The following VPS41 variants were observed in gnomAD, a reference collection of about 807,000 sequenced individuals.
The protein encoded by VPS41 is vacuolar protein sorting-associated protein 41 homolog.
VPS41 carries 85 observed loss-of-function variants against 130.9 expected under a neutral mutation model. The observed-to-expected ratio is 0.65, with a 90% confidence interval of 0.55 to 0.78. The LOEUF (loss-of-function observed/expected upper bound fraction) is 0.78. Among genes scored for constraint, VPS41 ranks in the 30% least tolerant of loss-of-function variants. The probability of loss-of-function intolerance (pLI) is 0.00; values close to 1 mark genes in which losing one functional copy is unlikely to be tolerated. For missense variants in VPS41, 874 were observed against 1,018.7 expected, an observed-to-expected ratio of 0.86 and a Z score of 1.93; for synonymous variants, 335 against 332.9, an observed-to-expected ratio of 1.01 and a Z score of -0.07.
intron 3 of VPS41, among the ~76,000 whole-genome samples, chr7:38,864,477 TTG>T (rs1234575142): frequency 6.6e-6 from 1 of 152,228 alleles, no homozygotes. Context: ...ACAAGCTATC[TTG>T]TGTTTAGGAA....
At chr7:38,827,721 G>A (rs1289736579) in intron 5 of VPS41, among the ~76,000 whole-genome samples, 1 of 152,134 alleles carries the variant, frequency 6.6e-6, no homozygotes, top group African/African-American at 2.4e-5. Flanking sequence ...GCCTCTAAGC[G>A]ATATTGCCTT....
intron 2 of VPS41, among the ~76,000 whole-genome samples, chr7:38,896,470 C>T (rs1194941744): frequency 6.6e-6 from 1 of 152,222 alleles, no homozygotes; most frequent in Non-Finnish European, 1.5e-5. Flanking sequence ...GCCCGCAGGC[C>T]ACATATGGCC....
At chr7:38,801,653 C>G (rs141631547) in intron 7 of VPS41, among the ~76,000 whole-genome samples, 1 of 152,280 alleles carries the variant, frequency 6.6e-6, no homozygotes, top group Non-Finnish European at 1.5e-5. Context: ...GGTTTTCTCA[C>G]TGCACAACTA....
intron 14 of VPS41, 26 bp downstream of exon 14, chr7:38,771,172 T>G: frequency 6.6e-7 from 1 of 1,506,798 alleles, no homozygotes; most frequent in Non-Finnish European, 9.2e-7. Flanking sequence ...TAAAATTATG[T>G]TTCAAATAAC....
In VPS41 at chr7:38,789,881, T is replaced by TC. The variant is rs1282958732; in HGVS notation, c.718-15dup. On this transcript the variant is annotated splice_polypyrimidine_tract_variant and intron_variant, in intron 9 of 28. Transcript: ENST00000310301. Reference sequence around the variant, plus strand: ...CACTGAGCACACCTGGAAAATAAGTTCGCAGGTTATTTTATTCATTTGATG... The same window carrying TC: ...CACTGAGCACACCTGGAAAATAAGTTCCGCAGGTTATTTTATTCATTTGATG... The TC allele has an allele frequency of 1.8e-5, 29 of 1,613,262 alleles. No individual in the cohort carries two copies. Among genetic ancestry groups the TC allele is most frequent in the Non-Finnish European group, 2.5e-5 (29 of 1,179,504 alleles).
intron 24 of VPS41, 28 bp from the exon 25 acceptor site, chr7:38,742,149 C>T (rs1795895119): frequency 6.4e-7 from 1 of 1,572,254 alleles, no homozygotes; most frequent in Admixed American, 2.0e-5. Flanking sequence ...AAACAATGAA[C>T]ATATAAGCAA....
chr7:38,862,211 A>C (rs1327253341), intron 4 of VPS41, among the ~76,000 whole-genome samples: 1 of 152,174 alleles, frequency 6.6e-6, no homozygotes, highest in Non-Finnish European at 1.5e-5. Flanking sequence ...AGAATACAGG[A>C]GTATTCTAAA....
At chr7:38,908,131 C>T (rs1390606356) in intron 1 of VPS41, among the ~76,000 whole-genome samples, 1 of 152,090 alleles carries the variant, frequency 6.6e-6, no homozygotes, top group Non-Finnish European at 1.5e-5. Context: ...AATTATTGAA[C>T]TAGGTAAATG....
Position 38,771,225 on chromosome 7 carries a change from T to C in VPS41, c.1158A>G (p.Gln386=), listed in dbSNP as rs557861089. 3.1e-6 allele frequency: 5 copies of C among 1,603,122 alleles called. No homozygotes were observed. Among genetic ancestry groups the C allele is most frequent in the Non-Finnish European group, 4.3e-6 (5 of 1,175,964 alleles). Reference sequence around the variant, plus strand: ...GAATCTTATGTCTTTTAATATTTTTTTGGCTAATTTCAGCTGCCATCAATG... The same window carrying C: ...GAATCTTATGTCTTTTAATATTTTTCTGGCTAATTTCAGCTGCCATCAATG... ...EEALMAAEIS[Q]KNIKRHKILD... Residue 386 remains glutamine (Q), a synonymous_variant, in exon 14 of 29, where the codon CAA becomes CAG. Coordinates refer to ENST00000310301, the MANE Select transcript of VPS41 (RefSeq NM_014396.4).
chr7:38,789,901 T>C (rs774351328), intron 9 of VPS41, 34 bp from the exon 10 acceptor site: 1 of 1,609,494 alleles, frequency 6.2e-7, no homozygotes, highest in Non-Finnish European at 8.5e-7. Flanking sequence ...TTTTATTCAT[T>C]TGATGGAAAA....
chr7:38,909,149 T>C lies in VPS41; in HGVS notation c.21+5A>G. ...GTGCCCTCAACTACCACCTGCACCC[T>C]TTACCTGCTCCTCTGCTTCCGCCAT... is the stretch of plus-strand genomic sequence containing the variant. On this transcript the variant is annotated splice_donor_5th_base_variant and intron_variant, in intron 1 of 28. Coordinates refer to ENST00000310301, the MANE Select transcript of VPS41 (RefSeq NM_014396.4). 6.2e-7 allele frequency: 1 copy of C among 1,613,606 alleles called. No homozygotes were observed. The highest frequency in any genetic ancestry group is 8.5e-7 in the Non-Finnish European group (1 of 1,179,700).
rs576770444 is a variant in VPS41 at position 38,789,012 on chromosome 7, T to A, written c.784+789A>T. ...TGGGCAAATGAACTTTTCAGCTGAC[T>A]CATAATATGGCAATTTTTTTTCTCA... On this transcript the variant is annotated intron_variant, in intron 10 of 28. Coordinates refer to ENST00000310301, the MANE Select transcript of VPS41 (RefSeq NM_014396.4). Among the ~76,000 whole-genome samples the A allele has an allele frequency of 3.0e-4, 45 of 152,336 alleles. 1 individual carries two copies. The South Asian group carries it at 8.9e-3, about 30-fold the overall frequency.
intron 10 of VPS41, among the ~76,000 whole-genome samples, chr7:38,782,998 G>T (rs886348768): frequency 6.6e-6 from 1 of 151,904 alleles, no homozygotes; most frequent in Non-Finnish European, 1.5e-5. Flanking sequence ...CGTGCCTGTA[G>T]CCCCAGCTAC....
intron 7 of VPS41, among the ~76,000 whole-genome samples, chr7:38,803,801 C>G (rs1784782705): frequency 6.6e-6 from 1 of 152,130 alleles, no homozygotes; most frequent in South Asian, 2.1e-4. Context: ...AATGAATGAC[C>G]AGGAACCCAT....
At chr7:38,741,922 A>C in intron 25 of VPS41, 63 bp downstream of exon 25, 1 of 1,575,498 alleles carries the variant, frequency 6.3e-7, no homozygotes, top group Non-Finnish European at 8.6e-7. Context: ...AAACCCTAGA[A>C]ATATTTATCC....
intron 19 of VPS41, among the ~76,000 whole-genome samples, chr7:38,756,171 C>T (rs1783788299): frequency 6.6e-6 from 1 of 150,864 alleles, no homozygotes; most frequent in African/African-American, 2.4e-5. Context: ...GTTTTATAAA[C>T]CTCATTATTT....
Position 38,728,435 on chromosome 7 carries a change from C to A in VPS41, c.2404+107G>T, listed in dbSNP as rs771622994. ...CAACACTTCTCTCCACTGGGTTATT[C>A]TGAAAGTTATATAGTTTTATAAACG... On this transcript the variant is annotated intron_variant, in intron 27 of 28. Coordinates refer to ENST00000310301, the MANE Select transcript of VPS41 (RefSeq NM_014396.4). The A allele has an allele frequency of 1.3e-5, 16 of 1,257,392 alleles. No individual in the cohort carries two copies. The East Asian group carries it at 3.7e-4, about 29-fold the overall frequency. 77.9% of individuals were successfully genotyped at this position (1,257,392 alleles called of 1,614,324 possible).
chr7:38,811,212 CTAA>C (rs1487985156), intron 7 of VPS41, among the ~76,000 whole-genome samples: 3 of 151,998 alleles, frequency 2.0e-5, no homozygotes, highest in Non-Finnish European at 4.4e-5. Flanking sequence ...ACAAAACACG[CTAA>C]TGTCAAAAAC....
At chr7:38,892,109 C>A (rs1457610263) in intron 2 of VPS41, among the ~76,000 whole-genome samples, 1 of 151,884 alleles carries the variant, frequency 6.6e-6, no homozygotes, top group Non-Finnish European at 1.5e-5. Flanking sequence ...AAATCGAAAT[C>A]TGTAATATTA....
Sources: gnomAD v4.1 joint callset for allele counts (sites outside exome capture counted in the v4.1 genomes callset) on GRCh38, gnomAD v4.1.1 for gene constraint, MANE v1.5 for transcripts, NCBI Gene and HGNC (gene_info 2026-07-23, HGNC 2026-07-21) for gene names.